TPPP: variants seen among roughly 807,000 people sequenced by gnomAD.
TPPP encodes the protein tubulin polymerization-promoting protein.
In TPPP, 6 loss-of-function variants were observed where a neutral mutation model predicts 15.5. The observed-to-expected ratio is 0.39, with a 90% CI of 0.21 to 0.77. The LOEUF (loss-of-function observed/expected upper bound fraction) is 0.77, where lower values mean the gene tolerates loss of function less well. Ranked by LOEUF, TPPP falls within the 30% of genes least tolerant of loss-of-function variation. The pLI is 0.42. For missense variants in TPPP, 269 were observed against 307.2 expected, an observed-to-expected ratio of 0.88 and a Z score of 0.93; for synonymous variants, 146 against 133.9, an observed-to-expected ratio of 1.09 and a Z score of -0.63.
chr5:695,618 G>A (rs1191182002), upstream of TPPP, among the ~76,000 whole-genome samples: 12 of 151,332 alleles, frequency 7.9e-5, no homozygotes, highest in Non-Finnish European at 1.8e-4. Flanking sequence ...AGCTTCTGTG[G>A]CTCCAGGCGG....
chr5:675,198 G>T, intron 2 of TPPP, among the ~76,000 whole-genome samples: 1 of 99,918 alleles, frequency 1.0e-5, no homozygotes, highest in African/African-American at 3.9e-5. Flanking sequence ...GGTGTGGCCA[G>T]GGGTTCAGTG....
At chr5:669,280 CCCGG>C (rs1740096531) in intron 2 of TPPP, among the ~76,000 whole-genome samples, 1 of 74,606 alleles carries the variant, frequency 1.3e-5, no homozygotes, top group Admixed American at 1.3e-4. Context: ...CGCTGGTGAG[CCCGG>C]TGAGCCGGAG....
intron 1 of TPPP, among the ~76,000 whole-genome samples, chr5:686,914 GC>G (rs1433349219): frequency 7.0e-6 from 1 of 143,210 alleles, no homozygotes; most frequent in African/African-American, 2.5e-5. Flanking sequence ...TGGCAACCAG[GC>G]CCTGTCTTGG....
intron 1 of TPPP, among the ~76,000 whole-genome samples, chr5:683,466 G>C (rs1370178449): frequency 6.6e-6 from 1 of 152,238 alleles, no homozygotes; most frequent in Non-Finnish European, 1.5e-5. Context: ...CGATGCTCGT[G>C]CCCTGGAGAA....
intron 1 of TPPP, among the ~76,000 whole-genome samples, chr5:685,696 C>T (rs1037492446): frequency 4.6e-5 from 7 of 152,224 alleles, no homozygotes; most frequent in African/African-American, 1.4e-4. Context: ...CTGGGAACCA[C>T]ATCTTGGCCC....
the TPPP span, among the ~76,000 whole-genome samples, chr5:698,792 C>T: frequency 6.6e-6 from 1 of 151,946 alleles, no homozygotes; most frequent in Admixed American, 6.6e-5. Flanking sequence ...CACCAAAAAA[C>T]TCTTAGATTT....
intron 1 of TPPP, among the ~76,000 whole-genome samples, chr5:693,001 G>T (rs1310769746): frequency 6.6e-6 from 1 of 151,182 alleles, no homozygotes; most frequent in African/African-American, 2.4e-5. Flanking sequence ...GCCCGGAGAC[G>T]GTGACAGACC....
At chr5:677,532 G>A (rs757935873) in intron 2 of TPPP, among the ~76,000 whole-genome samples, 4 of 152,144 alleles carry the variant, frequency 2.6e-5, no homozygotes, top group South Asian at 2.1e-4. Context: ...CTCAGGCCTC[G>A]GCACCGAGAA....
At chr5:668,990 T>C (rs1740077996) in intron 2 of TPPP, among the ~76,000 whole-genome samples, 1 of 152,128 alleles carries the variant, frequency 6.6e-6, no homozygotes, top group Non-Finnish European at 1.5e-5. Context: ...CCCATACACT[T>C]TACACGCGTG....
At chr5:669,199 G>A (rs530524410) in intron 2 of TPPP, among the ~76,000 whole-genome samples, 61 of 152,288 alleles carry the variant, frequency 4.0e-4, no homozygotes, top group Admixed American at 6.5e-4. Context: ...ACTGCTGAGG[G>A]CAGCCACGCA....
chr5:686,261 C>A (rs1466081488), intron 1 of TPPP, among the ~76,000 whole-genome samples: 1 of 152,256 alleles, frequency 6.6e-6, no homozygotes, highest in African/African-American at 2.4e-5. Context: ...GTGGGACCTG[C>A]CTCCATTAAA....
intron 2 of TPPP, among the ~76,000 whole-genome samples, chr5:676,798 G>A (rs556767773): frequency 3.4e-5 from 5 of 148,474 alleles, no homozygotes; most frequent in South Asian, 4.2e-4. Context: ...AGAAACGCAC[G>A]TGCACATGCA....
At chr5:685,407 C>T (rs1260427854) in intron 1 of TPPP, among the ~76,000 whole-genome samples, 1 of 152,216 alleles carries the variant, frequency 6.6e-6, no homozygotes, top group African/African-American at 2.4e-5. Flanking sequence ...TGGCGTCCTC[C>T]GGCCATCCTG....
intron 2 of TPPP, among the ~76,000 whole-genome samples, chr5:672,981 C>T (rs1215246510): frequency 6.6e-6 from 1 of 152,230 alleles, no homozygotes; most frequent in African/African-American, 2.4e-5. Flanking sequence ...GCCGGTGGAG[C>T]CATGGCAACC....
At chr5:668,303 C>G (rs189449946) in intron 2 of TPPP, among the ~76,000 whole-genome samples, 3 of 56,712 alleles carry the variant, frequency 5.3e-5, no homozygotes, top group Non-Finnish European at 9.9e-5. Flanking sequence ...AGGGAAGTAC[C>G]GACAAGCACA....
Position 665,244 on chromosome 5 carries a change from G to A in TPPP, c.518C>T (p.Thr173Met), listed in dbSNP as rs1204626526. Residue 173 changes from threonine to methionine, a missense_variant, in exon 4 of 4, where the codon ACG becomes ATG. Physicochemically the swap from Thr to Met is moderately conservative, Grantham distance 81. Transcript: ENST00000360578. ...VSRLTDTTKF[T>M]GSHKERFDPS... is the part of the protein sequence containing the mutation. ...GTCGAAGCGCTCCTTGTGGGAGCCCGTGAACTTGGTGGTGTCCGTGAGCCT... is the reference window on the plus strand; with the variant it reads ...GTCGAAGCGCTCCTTGTGGGAGCCCATGAACTTGGTGGTGTCCGTGAGCCT... 6.8e-6 allele frequency: 11 copies of A among 1,613,602 alleles called. No homozygotes were observed. Among genetic ancestry groups the A allele is most frequent in the African/African-American group, 2.7e-5 (2 of 74,900 alleles).
intron 2 of TPPP, among the ~76,000 whole-genome samples, chr5:666,597 G>C (rs1739926055): frequency 6.6e-6 from 1 of 152,212 alleles, no homozygotes; most frequent in Admixed American, 6.5e-5. Context: ...ATGGGCGCAG[G>C]CCCACGCCTC....
intron 3 of TPPP, among the ~76,000 whole-genome samples, 190 bp downstream of exon 3, chr5:665,780 G>T (rs1220404267): frequency 7.1e-6 from 1 of 140,516 alleles, no homozygotes; most frequent in East Asian, 2.2e-4. Context: ...CCCCATTCAT[G>T]CCCCTTCTGA....
intron 1 of TPPP, among the ~76,000 whole-genome samples, chr5:685,941 G>A (rs1670576280): frequency 6.6e-6 from 1 of 152,240 alleles, no homozygotes; most frequent in South Asian, 2.1e-4. Context: ...CCAGGCCACA[G>A]ACGCCGGGGC....
Sources: allele counts gnomAD v4.1 joint callset (sites outside exome capture counted in the v4.1 genomes callset), GRCh38; gene constraint gnomAD v4.1.1; transcripts MANE v1.5; gene names NCBI Gene and HGNC (gene_info 2026-07-23, HGNC 2026-07-21).